KHDRBS2: variants seen among roughly 807,000 people sequenced by gnomAD.
KHDRBS2 encodes KH RNA binding domain containing, signal transduction associated 2, also known as KH domain-containing, RNA-binding, signal transduction-associated protein 2.
In KHDRBS2, 26 loss-of-function variants were observed where a neutral mutation model predicts 44.3. That is an observed-to-expected ratio of 0.59 (90% CI 0.43 to 0.81). The LOEUF is 0.81. Among genes scored for constraint, KHDRBS2 ranks in the 40% least tolerant of loss-of-function variants. KHDRBS2 has a pLI of 0.00. For synonymous variants in KHDRBS2, 194 were observed against 151.1 expected, an observed-to-expected ratio of 1.28 and a Z score of -2.08; for missense variants, 476 against 433.1, an observed-to-expected ratio of 1.10 and a Z score of -0.88.
At chr6:62,017,078 T>A (rs1314014509) in intron 3 of KHDRBS2, among the ~76,000 whole-genome samples, 2 of 152,268 alleles carry the variant, frequency 1.3e-5, no homozygotes, top group East Asian at 3.9e-4. Context: ...TGGTTTTGTT[T>A]TATAAGGTAT....
At chr6:62,170,866 C>T (rs1819850462) in intron 2 of KHDRBS2, among the ~76,000 whole-genome samples, 1 of 151,730 alleles carries the variant, frequency 6.6e-6, no homozygotes, top group African/African-American at 2.4e-5. Context: ...GCTGTGGCCC[C>T]CTGAAATATT....
chr6:61,560,075 A>G, the KHDRBS2 span, among the ~76,000 whole-genome samples: 2 of 152,266 alleles, frequency 1.3e-5, no homozygotes, highest in South Asian at 2.1e-4. Context: ...TTTTGATTAA[A>G]TAGGCTATTT....
intron 2 of KHDRBS2, among the ~76,000 whole-genome samples, chr6:62,133,473 T>G (rs1810812426): frequency 6.6e-6 from 1 of 152,192 alleles, no homozygotes; most frequent in African/African-American, 2.4e-5. Context: ...CCATTAAACC[T>G]CTTTTCCTTT....
chr6:62,275,371 G>C (rs554453566), intron 1 of KHDRBS2, among the ~76,000 whole-genome samples: 9 of 152,140 alleles, frequency 5.9e-5, no homozygotes, highest in African/African-American at 2.2e-4. Context: ...TAAAAAAGTG[G>C]CTTCTACTTT....
chr6:61,762,243 C>T (rs1221032920), intron 6 of KHDRBS2, among the ~76,000 whole-genome samples: 6 of 152,144 alleles, frequency 3.9e-5, no homozygotes, highest in Non-Finnish European at 7.4e-5. Flanking sequence ...AGATATGAGT[C>T]TGGATAAACT....
chr6:61,903,518 G>A, intron 4 of KHDRBS2, among the ~76,000 whole-genome samples: 1 of 152,132 alleles, frequency 6.6e-6, no homozygotes, highest in East Asian at 1.9e-4. Context: ...GAAGAATGAG[G>A]AATAGGAGGA....
chr6:62,052,548 T>C (rs1038854415), intron 2 of KHDRBS2, among the ~76,000 whole-genome samples: 2 of 143,726 alleles, frequency 1.4e-5, no homozygotes, highest in African/African-American at 5.2e-5. Context: ...CTGGCAATCC[T>C]CAACCTTTTT....
chr6:61,780,083 A>G (rs923393448), intron 6 of KHDRBS2, among the ~76,000 whole-genome samples: 2 of 152,230 alleles, frequency 1.3e-5, no homozygotes, highest in African/African-American at 2.4e-5. Flanking sequence ...TCTCCATGAA[A>G]TTGAGAATTT....
intron 1 of KHDRBS2, among the ~76,000 whole-genome samples, chr6:62,277,435 G>T (rs1428937891): frequency 6.6e-6 from 1 of 151,830 alleles, no homozygotes; most frequent in Admixed American, 6.6e-5. Context: ...TCCACCTCCC[G>T]GGTTCACACC....
At chr6:62,196,598 C>T (rs1162698086) in intron 1 of KHDRBS2, among the ~76,000 whole-genome samples, 2 of 150,480 alleles carry the variant, frequency 1.3e-5, no homozygotes, top group Non-Finnish European at 3.0e-5. Context: ...GAAGATGGAA[C>T]ACTCAACCCA....
intron 6 of KHDRBS2, among the ~76,000 whole-genome samples, chr6:61,760,701 T>A (rs1264753727): frequency 6.6e-6 from 1 of 152,172 alleles, no homozygotes; most frequent in Non-Finnish European, 1.5e-5. Context: ...TTATACATCT[T>A]AGAAATATTT....
rs145829230 is a variant in KHDRBS2, at chr6:61,898,048, T to A, written c.611+3196A>T. On this transcript the variant is annotated intron_variant, in intron 5 of 8. Transcript: ENST00000281156. ...ATACATTATTATTGGAAAATTAGAG[T>A]TATCATAGATAGGATTATTGAAATG... Among the ~76,000 whole-genome samples the A allele has an allele frequency of 1.5e-4, 23 of 152,182 alleles. 2 individuals carry two copies. In the East Asian group the frequency reaches 4.1e-3, roughly 27 times the overall value.
intron 4 of KHDRBS2, among the ~76,000 whole-genome samples, chr6:61,957,242 G>A (rs190383255): frequency 7.2e-4 from 109 of 152,188 alleles, no homozygotes; most frequent in African/African-American, 2.4e-3. Flanking sequence ...TGATGGTTGC[G>A]TTAACTGCAC....
intron 6 of KHDRBS2, among the ~76,000 whole-genome samples, chr6:61,848,489 A>ATATATATATG (rs1204341059): frequency 2.2e-5 from 1 of 44,644 alleles, no homozygotes; most frequent in African/African-American, 1.3e-4. Flanking sequence ...ATATATATAT[A>ATATATATATG]TGTATATATA....
At chr6:61,571,521 C>CATTA in the KHDRBS2 span, among the ~76,000 whole-genome samples, 1 of 91,850 alleles carries the variant, frequency 1.1e-5, no homozygotes, top group African/African-American at 4.2e-5. Context: ...GACAGAAAGT[C>CATTA]AATAAACAAT....
chr6:61,550,052 T>C, the KHDRBS2 span, among the ~76,000 whole-genome samples: 1 of 152,178 alleles, frequency 6.6e-6, no homozygotes, highest in African/African-American at 2.4e-5. Context: ...AAATTTCTTT[T>C]GAATTTTTAT....
chr6:61,955,997 A>G (rs1209712882), intron 4 of KHDRBS2, among the ~76,000 whole-genome samples: 1 of 152,124 alleles, frequency 6.6e-6, no homozygotes, highest in African/African-American at 2.4e-5. Context: ...TATTGAGATC[A>G]TCCTGGCCAA....
intron 1 of KHDRBS2, among the ~76,000 whole-genome samples, chr6:62,182,489 G>A (rs1443643783): frequency 6.6e-6 from 1 of 151,934 alleles, no homozygotes; most frequent in Admixed American, 6.6e-5. Flanking sequence ...ATAAATAAAT[G>A]TAGTGGGATG....
At chr6:61,854,901 A>C (rs929095644) in intron 6 of KHDRBS2, among the ~76,000 whole-genome samples, 3 of 152,172 alleles carry the variant, frequency 2.0e-5, no homozygotes, top group African/African-American at 7.2e-5. Context: ...CCTTCTTGAA[A>C]GACCATATAT....
Sources: allele counts gnomAD v4.1 joint callset (sites outside exome capture counted in the v4.1 genomes callset), GRCh38; gene constraint gnomAD v4.1.1; transcripts MANE v1.5; gene names NCBI Gene and HGNC (gene_info 2026-07-23, HGNC 2026-07-21).